The following BLVRB variants were observed in gnomAD, a reference collection of about 807,000 sequenced individuals.
BLVRB encodes the protein flavin reductase (NADPH).
In BLVRB, 25 loss-of-function variants were observed where a neutral mutation model predicts 21.1. That is an observed-to-expected ratio of 1.19 (90% confidence interval 0.86 to 1.66). BLVRB has a LOEUF of 1.66. Ranked by LOEUF, BLVRB falls within the 40% of genes most tolerant of loss-of-function variation. The pLI is 0.00. For synonymous variants in BLVRB, 128 were observed against 122.2 expected, an observed-to-expected ratio of 1.05 and a Z score of -0.31; for missense variants, 274 against 282.7, an observed-to-expected ratio of 0.97 and a Z score of 0.22.
chr19:40,457,944 CCT>C (rs1233355448), intron 3 of BLVRB: 80 of 559,468 alleles, frequency 1.4e-4, no homozygotes, highest in Non-Finnish European at 3.2e-5. Flanking sequence ...CTGTTTACCA[CCT>C]CTCTCTGTGA....
At chr19:40,453,900 G>A (rs78543367) in intron 3 of BLVRB, among the ~76,000 whole-genome samples, 18,279 of 152,086 alleles carry the variant, frequency 0.12, 1,187 homozygotes, top group Non-Finnish European at 0.14. Context: ...CGAGAGGATC[G>A]CTTGAGCTCA....
rs2079725228 is a variant in BLVRB, at chr19:40,448,615, A to AAC, written c.464-570_464-569insGT. 9.7e-3 allele frequency among the ~76,000 whole-genome samples: 399 copies of AAC among 41,184 alleles called. 4 individuals are homozygous for AAC. The highest frequency in any genetic ancestry group is 0.051 in the African/African-American group (377 of 7,372). The allele number at this position is 41,184 out of a possible 152,430, so 27.0% of individuals were successfully genotyped here. A position where few individuals can be genotyped will look rare whatever the true frequency, so the allele number is the denominator to read the frequency against. ...CTAACAACAACAACAACAAATATATATATATATATATATATATATATATAT... is the reference window on the plus strand; with the variant it reads ...CTAACAACAACAACAACAAATATATAACTATATATATATATATATATATATAT... On this transcript the variant is annotated intron_variant, in intron 4 of 4. Transcript: ENST00000263368.
rs773789202 is a variant in BLVRB, at chr19:40,458,546, C to T, written c.80-1G>A. On this transcript the variant is annotated splice_acceptor_variant, in intron 1 of 4. Transcript: ENST00000263368. LOFTEE classifies it high-confidence loss of function. ...CGCACCAGCACTGTCACTTCGTAAC[C>T]TGTGGGCAAAGAGGAGCAGAGAGCC... 2 of 1,599,836 alleles carry T rather than the reference C, an allele frequency of 1.3e-6. No homozygotes were observed. Among genetic ancestry groups the T allele is most frequent in the East Asian group, 2.2e-5 (1 of 44,626 alleles).
intron 4 of BLVRB, among the ~76,000 whole-genome samples, chr19:40,450,842 GTATCTATCTATCTATCTATCTATCTATC>G (rs200198444): frequency 6.9e-6 from 1 of 144,630 alleles, no homozygotes; most frequent in African/African-American, 2.6e-5. Flanking sequence ...CCTGGCCTAT[GTATCTATCTATCTATCTATCTATCTATC>G]TATCTATCTA....
At position 40,447,950 on chromosome 19, in the gene BLVRB, C is replaced by T. The variant is rs779931948; in HGVS notation, c.560G>A (p.Arg187His). 61 of 1,613,938 alleles carry T rather than the reference C, an allele frequency of 3.8e-5. No homozygotes were observed. In the Admixed American group the frequency reaches 8.3e-4, roughly 22 times the overall value. Residue 187 changes from arginine to histidine, a missense_variant, in exon 5 of 5, where the codon CGC becomes CAC. By Grantham distance (29) the Arg-to-His change is conservative. Transcript: ENST00000263368. ...SKHDLGHFML[R>H]CLTTDEYDGH... ...GTCGTACTCATCGGTGGTGAGGCAG[C>T]GCAGCATGAAATGGCCCAGGTCATG...
Position 40,458,155 on chromosome 19 carries a change from C to A in BLVRB, c.334G>T (p.Ala112Ser). 6.2e-7 allele frequency: 1 copy of A among 1,613,790 alleles called. No individual in the cohort carries two copies. The highest frequency in any genetic ancestry group is 8.5e-7 in the Non-Finnish European group (1 of 1,179,812). Residue 112 changes from alanine (A) to serine (S), a missense_variant and splice_region_variant, in exon 3 of 5, where the codon GCT becomes TCT. Ala to Ser is a moderately conservative substitution (Grantham distance 99). Transcript: ENST00000263368. ...CCACCTCCATGATCCCACCACCCAC[C>A]CGAGGTGCAGGCCACGACCTTGTCC... ...GVDKVVACTS[A>S]FLLWDPTKVP...
At chr19:40,451,156 TA>T (rs2079737995) in intron 4 of BLVRB, among the ~76,000 whole-genome samples, 1 of 152,182 alleles carries the variant, frequency 6.6e-6, no homozygotes. Flanking sequence ...CTCATTAGCA[TA>T]GAAAAAGACA....
Position 40,458,270 on chromosome 19 carries a change from C to T in BLVRB, c.245-26G>A, listed in dbSNP as rs150990121. 372 of 1,593,760 alleles carry T rather than the reference C, an allele frequency of 2.3e-4. 3 individuals are homozygous for T. In the East Asian group the frequency reaches 7.0e-3, roughly 30 times the overall value. On this transcript the variant is annotated intron_variant, in intron 2 of 4. Coordinates refer to ENST00000263368, the MANE Select transcript of BLVRB (RefSeq NM_000713.3). ...CTTAGAGGGGACAGAGAGTGGCTGT[C>T]ACTGGTGGGCGGCGGCGGCGGCAGG... is the stretch of plus-strand genomic sequence containing the variant.
rs1412095032 is a variant in BLVRB at position 40,458,260 on chromosome 19, G to C, written c.245-16C>G. On this transcript the variant is annotated splice_polypyrimidine_tract_variant and intron_variant, in intron 2 of 4. Coordinates refer to ENST00000263368, the MANE Select transcript of BLVRB (RefSeq NM_000713.3). ...GTCGTGGGACCTTAGAGGGGACAGA[G>C]AGTGGCTGTCACTGGTGGGCGGCGG... The C allele has an allele frequency of 6.2e-7, 1 of 1,606,328 alleles. No individual in the cohort carries two copies. The highest frequency in any genetic ancestry group is 1.3e-5 in the African/African-American group (1 of 74,828).
chr19:40,455,008 A>AT (rs1447202670), intron 3 of BLVRB, among the ~76,000 whole-genome samples: 9 of 119,168 alleles, frequency 7.6e-5, no homozygotes, highest in African/African-American at 3.7e-4. Context: ...CACCCAGCTA[A>AT]TTTTTTGTAT....
In BLVRB at chr19:40,447,911, T is replaced by A. The variant is rs1279995199; in HGVS notation, c.599A>T (p.Tyr200Phe). The change falls in exon 5 of 5, where the codon TAC (tyrosine) becomes TTC (phenylalanine). Residue 200 changes from tyrosine to phenylalanine, a missense_variant. Coordinates refer to ENST00000263368, the MANE Select transcript of BLVRB (RefSeq NM_000713.3). ...TTDEYDGHST[Y>F]PSHQYQ ...GTGCTACTGGTACTGGTGGGAGGGG[T>A]AGGTGCTGTGTCCGTCGTACTCATC... 1 of 1,613,538 alleles carries A rather than the reference T, an allele frequency of 6.2e-7. No homozygotes were observed. The highest frequency in any genetic ancestry group is 8.5e-7 in the Non-Finnish European group (1 of 1,179,842).
At chr19:40,457,284 G>A (rs2079765971) in intron 3 of BLVRB, among the ~76,000 whole-genome samples, 1 of 152,144 alleles carries the variant, frequency 6.6e-6, no homozygotes, top group Admixed American at 6.6e-5. Context: ...CTCCAACTAG[G>A]TCTGGCCTCC....
rs139186179 is a variant in BLVRB at position 40,462,339 on chromosome 19, C to T, written c.79+3271G>A. Among the ~76,000 whole-genome samples, 1,007 of 148,056 alleles carry T rather than the reference C, an allele frequency of 6.8e-3. 10 individuals are homozygous for T. The highest frequency in any genetic ancestry group is 0.024 in the African/African-American group (946 of 40,022). ...TCTTGCCCAGGCTGGAGTGCAGTGG[C>T]GCAATCTCAGCTCACTGCAACCTCC... On this transcript the variant is annotated intron_variant, in intron 1 of 4. Transcript: ENST00000263368.
intron 1 of BLVRB, among the ~76,000 whole-genome samples, chr19:40,464,024 C>T (rs1234231481): frequency 2.0e-5 from 3 of 152,100 alleles, no homozygotes; most frequent in African/African-American, 7.2e-5. Flanking sequence ...GCCTCAGCCT[C>T]CCAAAGTGCT....
chr19:40,465,583 A>G (rs1388592647), intron 1 of BLVRB, 27 bp downstream of exon 1: 1 of 1,599,742 alleles, frequency 6.3e-7, no homozygotes, highest in Non-Finnish European at 8.5e-7. Context: ...CTGTCCCGTG[A>G]CATGCCCCGC....
intron 1 of BLVRB, among the ~76,000 whole-genome samples, chr19:40,465,064 C>G (rs745394482): frequency 5.3e-5 from 8 of 152,132 alleles, no homozygotes; most frequent in African/African-American, 1.9e-4. Flanking sequence ...AGCAACCTGA[C>G]CCCCCAACTT....
At chr19:40,464,474 A>G (rs1232963996) in intron 1 of BLVRB, among the ~76,000 whole-genome samples, 2 of 152,086 alleles carry the variant, frequency 1.3e-5, no homozygotes, top group Non-Finnish European at 2.9e-5. Flanking sequence ...GAAGCTCCCT[A>G]GGCTCCAGTT....
chr19:40,448,166 A>G (rs1437635173), intron 4 of BLVRB, 120 bp from the exon 5 acceptor site: 12 of 1,078,358 alleles, frequency 1.1e-5, no homozygotes, highest in South Asian at 4.8e-5. Context: ...GTGGTGTCAC[A>G]GCCAAGAATG....
chr19:40,461,867 C>T (rs1427384393), intron 1 of BLVRB, among the ~76,000 whole-genome samples: 16 of 152,172 alleles, frequency 1.1e-4, no homozygotes, highest in Admixed American at 2.0e-4. Flanking sequence ...TTTGCACGTG[C>T]TGTGCCCTCT....
Sources: allele counts gnomAD v4.1 joint callset (sites outside exome capture counted in the v4.1 genomes callset), GRCh38; gene constraint gnomAD v4.1.1; transcripts MANE v1.5; gene names NCBI Gene and HGNC (gene_info 2026-07-23, HGNC 2026-07-21).